The following XPR1 variants were observed in gnomAD, a reference collection of about 807,000 sequenced individuals.
The protein encoded by XPR1 is solute carrier family 53 member 1.
Under a neutral mutation model 87.5 loss-of-function variants are expected in XPR1, and 28 were observed. That is an observed-to-expected ratio of 0.32 (90% CI 0.24 to 0.44). The LOEUF (loss-of-function observed/expected upper bound fraction) is 0.44. Among genes scored for constraint, XPR1 ranks in the 20% least tolerant of loss-of-function variants. The pLI is 1.00. For missense variants in XPR1, 559 were observed against 862.3 expected (o/e 0.65, Z 4.41); for synonymous variants, 300 against 306.1 (o/e 0.98, Z 0.21).
At chr1:180,824,715 G>A (rs752259483) in intron 7 of XPR1, 38 bp from the exon 8 acceptor site, 12 of 1,515,856 alleles carry the variant, frequency 7.9e-6, no homozygotes, top group East Asian at 2.3e-5. Flanking sequence ...GGGAAGTTAT[G>A]AATTTTATAA....
At chr1:180,646,113 C>G (rs1332737089) in intron 1 of XPR1, among the ~76,000 whole-genome samples, 1 of 152,160 alleles carries the variant, frequency 6.6e-6, no homozygotes, top group Non-Finnish European at 1.5e-5. Flanking sequence ...TACCACGGTT[C>G]CCATTAATGC....
chr1:180,754,784 T>C (rs956893625), intron 2 of XPR1, among the ~76,000 whole-genome samples: 5 of 152,132 alleles, frequency 3.3e-5, no homozygotes, highest in African/African-American at 9.7e-5. Flanking sequence ...TTTTAAAATA[T>C]GTGGTGAGAG....
chr1:180,661,840 A>G (rs907639357), intron 1 of XPR1, among the ~76,000 whole-genome samples: 1 of 152,048 alleles, frequency 6.6e-6, no homozygotes, highest in South Asian at 2.1e-4. Flanking sequence ...ATGCCACTAC[A>G]CTCCAGACTG....
At chr1:180,877,820 A>G (rs942925168) in intron 13 of XPR1, among the ~76,000 whole-genome samples, 24 of 152,378 alleles carry the variant, frequency 1.6e-4, no homozygotes, top group Admixed American at 7.8e-4. Flanking sequence ...AATTATTAAA[A>G]TGAAATCTTT....
intron 9 of XPR1, 85 bp downstream of exon 9, chr1:180,825,429 G>T (rs758012514): frequency 6.4e-5 from 88 of 1,368,776 alleles, no homozygotes; most frequent in Non-Finnish European, 8.2e-5. Flanking sequence ...CTGCTAGGTT[G>T]TACAACTGCA....
At chr1:180,732,851 TG>T (rs1206060303) in intron 2 of XPR1, among the ~76,000 whole-genome samples, 1 of 152,246 alleles carries the variant, frequency 6.6e-6, no homozygotes, top group Non-Finnish European at 1.5e-5. Flanking sequence ...GGATCACACT[TG>T]GGCTTGGAGA....
intron 5 of XPR1, 114 bp from the exon 6 acceptor site, chr1:180,806,360 T>A: frequency 1.4e-6 from 2 of 1,461,314 alleles, no homozygotes; most frequent in South Asian, 2.6e-5. Flanking sequence ...TCTTTATCAG[T>A]ATATATTCAC....
intron 2 of XPR1, among the ~76,000 whole-genome samples, chr1:180,737,569 C>T (rs186513183): frequency 6.6e-6 from 1 of 152,246 alleles, no homozygotes; most frequent in Admixed American, 6.5e-5. Context: ...AGAAGAGTTC[C>T]ATCAGTCTAA....
At chr1:180,737,058 C>T (rs1026067890) in intron 2 of XPR1, among the ~76,000 whole-genome samples, 4 of 152,018 alleles carry the variant, frequency 2.6e-5, no homozygotes, top group Admixed American at 6.6e-5. Flanking sequence ...ACTTTCTTGC[C>T]GAGACTTGTG....
In XPR1 at chr1:180,669,330, A is replaced by G. The variant is rs532874070; in HGVS notation, c.70-13030A>G. Among the ~76,000 whole-genome samples the G allele has an allele frequency of 1.5e-4, 23 of 152,020 alleles. No homozygotes were observed. The East Asian group carries it at 2.1e-3, about 14-fold the overall frequency. ...CTTCAATTCTGTTAATTTTTGCTCC[A>G]TATATTCTGATGGTCTGTCTTTAGT... On this transcript the variant is annotated intron_variant, in intron 1 of 14. Transcript: ENST00000367590.
intron 1 of XPR1, among the ~76,000 whole-genome samples, chr1:180,659,438 T>TC (rs1655684901): frequency 1.2e-5 from 1 of 86,720 alleles, no homozygotes; most frequent in Non-Finnish European, 2.3e-5. Flanking sequence ...CTTCCTTCCT[T>TC]CTTCCCTCCT....
intron 7 of XPR1, among the ~76,000 whole-genome samples, chr1:180,817,566 T>TGGAC (rs1650456605): frequency 6.6e-6 from 1 of 152,224 alleles, no homozygotes; most frequent in African/African-American, 2.4e-5. Flanking sequence ...TTGCCTACAG[T>TGGAC]ATTCTGTACA....
chr1:180,848,269 C>G (rs1358550752), intron 11 of XPR1, among the ~76,000 whole-genome samples: 1 of 152,128 alleles, frequency 6.6e-6, no homozygotes, highest in Non-Finnish European at 1.5e-5. Context: ...TTGCTCCTAT[C>G]TAGATGTAAT....
intron 11 of XPR1, among the ~76,000 whole-genome samples, chr1:180,846,397 G>A (rs912937387): frequency 1.3e-5 from 2 of 151,918 alleles, no homozygotes; most frequent in Non-Finnish European, 2.9e-5. Context: ...AAAGACCAGT[G>A]GGCTAATGTT....
intron 2 of XPR1, among the ~76,000 whole-genome samples, chr1:180,757,743 C>T (rs544090945): frequency 3.3e-5 from 5 of 151,550 alleles, no homozygotes; most frequent in Non-Finnish European, 5.9e-5. Flanking sequence ...TGATCTAAAA[C>T]TTCTGGCCTC....
Position 180,765,295 on chromosome 1 carries a change from A to G in XPR1, c.122-22458A>G, listed in dbSNP as rs115945606. Among the ~76,000 whole-genome samples the G allele has an allele frequency of 4.6e-3, 698 of 152,278 alleles. 12 individuals are homozygous for G. The highest frequency in any genetic ancestry group is 0.016 in the African/African-American group (675 of 41,550). The stretch of plus-strand genomic sequence containing the variant: ...CCACAGTATAGTCTGCCAAATTCCA[A>G]ATTAACTTTACATTTGCCTCAATGC... On this transcript the variant is annotated intron_variant, in intron 2 of 14. Transcript: ENST00000367590.
chr1:180,862,134 CTGA>C (rs1652244999), intron 11 of XPR1, among the ~76,000 whole-genome samples: 1 of 152,028 alleles, frequency 6.6e-6, no homozygotes, highest in South Asian at 2.1e-4. Context: ...CTCTCATAAG[CTGA>C]TGAGAACTGA....
At chr1:180,879,119 A>T (rs1461389020) in intron 13 of XPR1, among the ~76,000 whole-genome samples, 1 of 152,188 alleles carries the variant, frequency 6.6e-6, no homozygotes, top group Non-Finnish European at 1.5e-5. Context: ...AAACCCTAAG[A>T]CGACTCACAT....
At chr1:180,694,668 A>G (rs1189375796) in intron 2 of XPR1, among the ~76,000 whole-genome samples, 2 of 152,144 alleles carry the variant, frequency 1.3e-5, no homozygotes, top group Admixed American at 1.3e-4. Flanking sequence ...AAGACATAAA[A>G]AAGTGGTGAG....
Sources: allele counts gnomAD v4.1 joint callset (sites outside exome capture counted in the v4.1 genomes callset), GRCh38; gene constraint gnomAD v4.1.1; transcripts MANE v1.5; gene names NCBI Gene and HGNC (gene_info 2026-07-23, HGNC 2026-07-21).